Variants in RGS7 observed in about 807,000 individuals in gnomAD.
RGS7 encodes regulator of G-protein signaling 7.
In RGS7, 27 loss-of-function variants were observed where a neutral mutation model predicts 81.1. The ratio of observed to expected loss-of-function variants is 0.33; its 90% CI spans 0.25 to 0.46. The LOEUF (loss-of-function observed/expected upper bound fraction) is 0.46. RGS7 is among the 20% of genes least tolerant of loss of function. The pLI is 1.00. For missense variants in RGS7, 396 were observed against 607.4 expected (o/e 0.65, Z 3.66); for synonymous variants, 208 against 207.7 (o/e 1.00, Z -0.01).
intron 9 of RGS7, among the ~76,000 whole-genome samples, chr1:240,858,531 G>C (rs1315324282): frequency 3.3e-5 from 5 of 152,244 alleles, no homozygotes; most frequent in Middle Eastern, 6.8e-3. Flanking sequence ...TTTTGGTGCA[G>C]TGTCTGTTCA....
intron 6 of RGS7, among the ~76,000 whole-genome samples, chr1:240,870,845 T>C (rs1284369057): frequency 6.6e-6 from 1 of 152,226 alleles, no homozygotes; most frequent in Non-Finnish European, 1.5e-5. Flanking sequence ...AATCTGTTCA[T>C]GTACACTGAA....
At chr1:240,840,453 A>C (rs1053272010) in intron 9 of RGS7, among the ~76,000 whole-genome samples, 1 of 152,082 alleles carries the variant, frequency 6.6e-6, no homozygotes, top group African/African-American at 2.4e-5. Context: ...TTGTAGTTTT[A>C]GTAGAGAGAC....
At chr1:240,982,828 C>T (rs1033002757) in intron 4 of RGS7, among the ~76,000 whole-genome samples, 4 of 152,216 alleles carry the variant, frequency 2.6e-5, no homozygotes, top group African/African-American at 7.2e-5. Context: ...TCCAGTCTAA[C>T]GATCACCGAT....
intron 2 of RGS7, among the ~76,000 whole-genome samples, chr1:241,243,609 C>T (rs966991901): frequency 1.3e-5 from 2 of 152,106 alleles, no homozygotes; most frequent in African/African-American, 4.8e-5. Flanking sequence ...TAGGCTTTTA[C>T]TTGAGCAACT....
At chr1:240,807,109 A>G (rs1193088406) in intron 14 of RGS7, among the ~76,000 whole-genome samples, 3 of 152,316 alleles carry the variant, frequency 2.0e-5, no homozygotes, top group African/African-American at 7.2e-5. Context: ...TATTTATACC[A>G]TATGTATACT....
At chr1:240,989,559 C>T (rs977097939) in intron 3 of RGS7, among the ~76,000 whole-genome samples, 7 of 152,094 alleles carry the variant, frequency 4.6e-5, no homozygotes, top group Non-Finnish European at 7.4e-5. Flanking sequence ...GTAATAGATT[C>T]TTCCTAAAAC....
At position 241,271,993 on chromosome 1, in the gene RGS7, T is replaced by C. The variant is rs942261904; in HGVS notation, c.78+83706A>G. ...TGACTACTAGAATTTCTTTTTTTTT[T>C]TTTTTATTTTTATTTTTTGAGATGG... On this transcript the variant is annotated intron_variant, in intron 2 of 18. Coordinates refer to ENST00000440928, the MANE Select transcript of RGS7 (RefSeq NM_001364886.1). This position sits in a 1 kb window ranked among gnomAD's most constrained non-coding sequence, Gnocchi z 4.6. Among the ~76,000 whole-genome samples, 1 of 142,380 alleles carries C rather than the reference T, an allele frequency of 7.0e-6. No individual in the cohort carries two copies. Among genetic ancestry groups the C allele is most frequent in the Non-Finnish European group, 1.5e-5 (1 of 64,806 alleles). 93.4% of individuals were successfully genotyped at this position (142,380 alleles called of 152,430 possible).
At chr1:240,859,440 G>GTTTTTTTTTTTTTTTTTTTTTTTTTTT (rs5782167) in intron 9 of RGS7, among the ~76,000 whole-genome samples, 3 of 110,828 alleles carry the variant, frequency 2.7e-5, no homozygotes, top group Admixed American at 9.9e-5. Context: ...TTTCTTTCCT[G>GTTTTTTTTTTTTTTTTTTTTTTTTTTT]TTTTTTTTTT....
intron 2 of RGS7, among the ~76,000 whole-genome samples, chr1:241,327,837 CT>C (rs2081705336): frequency 6.6e-6 from 1 of 152,058 alleles, no homozygotes; most frequent in Non-Finnish European, 1.5e-5. Context: ...CTAAATTATC[CT>C]TTTTCCCAAT....
chr1:240,872,765 A>G (rs1041668952), intron 6 of RGS7, among the ~76,000 whole-genome samples: 1 of 152,228 alleles, frequency 6.6e-6, no homozygotes, highest in African/African-American at 2.4e-5. Flanking sequence ...GACAAAATGA[A>G]TGCACTCATG....
At chr1:240,994,670 G>T (rs1210143089) in intron 3 of RGS7, among the ~76,000 whole-genome samples, 1 of 151,558 alleles carries the variant, frequency 6.6e-6, no homozygotes. Flanking sequence ...TCCTTTTCTT[G>T]CTTTATTGCC....
chr1:240,815,798 T>TA (rs59858619), intron 11 of RGS7, among the ~76,000 whole-genome samples: 1 of 151,800 alleles, frequency 6.6e-6, no homozygotes, highest in Non-Finnish European at 1.5e-5. Flanking sequence ...GATCAAATGC[T>TA]AAAAAAAAGA....
chr1:240,788,554 T>C (rs1489513451), intron 18 of RGS7, among the ~76,000 whole-genome samples: 1 of 152,212 alleles, frequency 6.6e-6, no homozygotes, highest in Non-Finnish European at 1.5e-5. Flanking sequence ...ATGACTTACG[T>C]AGACTTTCTG....
In RGS7 at chr1:241,032,360, C is replaced by G. The variant is rs368396463; in HGVS notation, c.176-49231G>C. On this transcript the variant is annotated intron_variant, in intron 3 of 18. Transcript: ENST00000440928. ...TGTCTATTTTTATACCAGTACCGTGCTGTTTTGATTATTGTATCCTTGCAG... is the reference window on the plus strand; with the variant it reads ...TGTCTATTTTTATACCAGTACCGTGGTGTTTTGATTATTGTATCCTTGCAG... Among the ~76,000 whole-genome samples the G allele has an allele frequency of 1.6e-4, 25 of 152,244 alleles. No individual in the cohort carries two copies. The South Asian group carries it at 5.0e-3, about 30-fold the overall frequency.
chr1:241,275,835 T>C (rs952722447), intron 2 of RGS7, among the ~76,000 whole-genome samples: 1 of 152,212 alleles, frequency 6.6e-6, no homozygotes, highest in Non-Finnish European at 1.5e-5. Context: ...CTCAAAGAGA[T>C]ACAGCAACCA....
chr1:241,012,041 A>AC (rs2058982271), intron 3 of RGS7, among the ~76,000 whole-genome samples: 6 of 152,096 alleles, frequency 3.9e-5, no homozygotes, highest in Admixed American at 2.6e-4. Context: ...GAGATCCAAG[A>AC]ACCCTTTCTT....
chr1:241,042,694 C>T (rs1482999578), intron 3 of RGS7, among the ~76,000 whole-genome samples: 3 of 152,064 alleles, frequency 2.0e-5, no homozygotes, highest in African/African-American at 7.2e-5. Flanking sequence ...AATCCCAGCA[C>T]TTTGGGAGGC....
chr1:241,086,959 C>T (rs920919047), intron 3 of RGS7, among the ~76,000 whole-genome samples: 1 of 152,154 alleles, frequency 6.6e-6, no homozygotes, highest in Non-Finnish European at 1.5e-5. Context: ...AGCCTCTGAC[C>T]CCAGGAACCT....
At chr1:241,304,761 A>T (rs1042751822) in intron 2 of RGS7, among the ~76,000 whole-genome samples, 10 of 152,258 alleles carry the variant, frequency 6.6e-5, no homozygotes, top group Non-Finnish European at 1.2e-4. Flanking sequence ...TGGCTTAAAA[A>T]TAAAGAAAAA....
Sources: allele counts gnomAD v4.1 joint callset (sites outside exome capture counted in the v4.1 genomes callset), GRCh38; gene constraint gnomAD v4.1.1; non-coding constraint Gnocchi (gnomAD v3.1); transcripts MANE v1.5; gene names NCBI Gene and HGNC (gene_info 2026-07-23, HGNC 2026-07-21).